Variants in CNTNAP2 observed in about 807,000 individuals in gnomAD.
CNTNAP2 encodes contactin associated protein 2, also known as contactin-associated protein-like 2.
In CNTNAP2, 98 loss-of-function variants were observed where a neutral mutation model predicts 155.2. The observed-to-expected ratio is 0.63, with a 90% confidence interval of 0.54 to 0.75. The LOEUF (loss-of-function observed/expected upper bound fraction) is 0.75. CNTNAP2 is among the 30% of genes least tolerant of loss of function. CNTNAP2 has a pLI of 0.00. For missense variants in CNTNAP2, 1,727 were observed against 1,688.1 expected (o/e 1.02, Z -0.40); for synonymous variants, 651 against 631.2 (o/e 1.03, Z -0.47).
chr7:148,144,570 C>T (rs1805140042), intron 16 of CNTNAP2, among the ~76,000 whole-genome samples: 1 of 152,202 alleles, frequency 6.6e-6, no homozygotes, highest in South Asian at 2.1e-4. Context: ...ATCATCAAAC[C>T]ATGGCTAACT....
At chr7:146,713,350 G>A (rs969876412) in intron 1 of CNTNAP2, among the ~76,000 whole-genome samples, 3 of 152,082 alleles carry the variant, frequency 2.0e-5, no homozygotes, top group African/African-American at 4.8e-5. Context: ...GCACTAAATG[G>A]TCAATCAATA....
rs551541052 is a variant in CNTNAP2, at chr7:146,245,242, T to C, written c.97+128269T>C. Among the ~76,000 whole-genome samples, 917 of 152,072 alleles carry C rather than the reference T, an allele frequency of 6.0e-3. 8 individuals carry two copies. The highest frequency in any genetic ancestry group is 0.021 in the African/African-American group (869 of 41,474). On this transcript the variant is annotated intron_variant, in intron 1 of 23. Coordinates refer to ENST00000361727, the MANE Select transcript of CNTNAP2 (RefSeq NM_014141.6). Reference sequence around the variant, plus strand: ...ATACAGTCATGGGGGTCAGGTGTGGTATCAGGAATAATGTGGGAGGCCAGA... The same window carrying C: ...ATACAGTCATGGGGGTCAGGTGTGGCATCAGGAATAATGTGGGAGGCCAGA...
At chr7:146,492,108 C>A (rs1211557356) in intron 1 of CNTNAP2, among the ~76,000 whole-genome samples, 1 of 152,016 alleles carries the variant, frequency 6.6e-6, no homozygotes, top group East Asian at 1.9e-4. Context: ...TAAAAACAAA[C>A]AAACAAACAA....
intron 9 of CNTNAP2, among the ~76,000 whole-genome samples, chr7:147,387,497 T>A (rs1419551921): frequency 6.6e-6 from 1 of 152,198 alleles, no homozygotes; most frequent in African/African-American, 2.4e-5. Flanking sequence ...CTCATGGTGA[T>A]AACATTGATC....
At chr7:146,675,172 A>G (rs961497670) in intron 1 of CNTNAP2, among the ~76,000 whole-genome samples, 1 of 29,150 alleles carries the variant, frequency 3.4e-5, no homozygotes, top group Non-Finnish European at 2.7e-4. Flanking sequence ...ATGTTTGAGA[A>G]AAAAAAAATA....
At chr7:147,703,017 G>A (rs183056038) in intron 13 of CNTNAP2, among the ~76,000 whole-genome samples, 17 of 151,374 alleles carry the variant, frequency 1.1e-4, no homozygotes, top group Admixed American at 4.1e-4. Context: ...CATTGTTCAA[G>A]CAATGGTAAG....
chr7:147,782,333 T>A (rs78368719), intron 13 of CNTNAP2, among the ~76,000 whole-genome samples: 2,029 of 152,356 alleles, frequency 0.013, 103 homozygotes, highest in Admixed American at 0.089. Context: ...AAAGTATGTC[T>A]TGCAGCCAAG....
chr7:146,869,276 T>G (rs763638120), intron 3 of CNTNAP2, among the ~76,000 whole-genome samples: 1 of 152,174 alleles, frequency 6.6e-6, no homozygotes, highest in Non-Finnish European at 1.5e-5. Flanking sequence ...TAGATAATCA[T>G]GTGTTTTGTT....
At chr7:147,028,050 A>C (rs1798957015) in intron 3 of CNTNAP2, among the ~76,000 whole-genome samples, 1 of 152,166 alleles carries the variant, frequency 6.6e-6, no homozygotes, top group African/African-American at 2.4e-5. Flanking sequence ...AGTCTCCAAT[A>C]TTTAGATGGG....
At chr7:146,847,901 A>G (rs1794789965) in intron 3 of CNTNAP2, among the ~76,000 whole-genome samples, 1 of 152,204 alleles carries the variant, frequency 6.6e-6, no homozygotes, top group Non-Finnish European at 1.5e-5. Flanking sequence ...TGTTTTCATT[A>G]GACTTAGTTT....
chr7:148,346,546 C>T (rs988805794), intron 21 of CNTNAP2, among the ~76,000 whole-genome samples: 1 of 151,166 alleles, frequency 6.6e-6, no homozygotes, highest in Non-Finnish European at 1.5e-5. Flanking sequence ...CCAAGGCAGG[C>T]GGATCACCTG....
chr7:147,840,514 C>A (rs77767353), intron 13 of CNTNAP2, among the ~76,000 whole-genome samples: 5,810 of 152,102 alleles, frequency 0.038, 171 homozygotes, highest in Middle Eastern at 0.061. Context: ...AGAGAAAGTA[C>A]AACACTGCTC....
At chr7:146,568,714 A>C (rs73468432) in intron 1 of CNTNAP2, among the ~76,000 whole-genome samples, 4,609 of 152,214 alleles carry the variant, frequency 0.03, 254 homozygotes, top group African/African-American at 0.11. Context: ...ACAGAAACCA[A>C]CTTTTAACCA....
At position 146,614,360 on chromosome 7, in the gene CNTNAP2, A is replaced by G. The variant is rs543318239; in HGVS notation, c.98-159911A>G. The stretch of plus-strand genomic sequence containing the variant: ...ACATATAAATGTTAGTAAACTATCA[A>G]TTATACTGATACTATACATGAATTA... On this transcript the variant is annotated intron_variant, in intron 1 of 23. Transcript: ENST00000361727. Among the ~76,000 whole-genome samples, 46 of 152,350 alleles carry G rather than the reference A, an allele frequency of 3.0e-4. No individual in the cohort carries two copies. The South Asian group carries it at 9.3e-3, about 31-fold the overall frequency.
intron 1 of CNTNAP2, among the ~76,000 whole-genome samples, chr7:146,202,272 T>A (rs1228072085): frequency 6.6e-6 from 1 of 152,166 alleles, no homozygotes; most frequent in Non-Finnish European, 1.5e-5. Context: ...TGGTCTCTAT[T>A]CATAACCTAC....
chr7:146,642,788 G>A (rs1026705030), intron 1 of CNTNAP2, among the ~76,000 whole-genome samples: 4 of 151,924 alleles, frequency 2.6e-5, no homozygotes, highest in Admixed American at 6.6e-5. Context: ...GTGTAAAAGT[G>A]TTCCTATTTC....
intron 21 of CNTNAP2, among the ~76,000 whole-genome samples, chr7:148,306,766 G>GGT (rs150027065): frequency 0.014 from 2,089 of 149,706 alleles, 38 homozygotes; most frequent in African/African-American, 0.042. Context: ...TTGGTTGGTT[G>GGT]GTGTGTGTGT....
At chr7:148,036,892 T>C (rs753568516) in intron 15 of CNTNAP2, among the ~76,000 whole-genome samples, 39 of 152,110 alleles carry the variant, frequency 2.6e-4, no homozygotes, top group Non-Finnish European at 4.7e-4. Context: ...ACTTTATGTG[T>C]TTTTTTAAAT....
At chr7:147,325,287 A>G (rs1395516865) in intron 9 of CNTNAP2, among the ~76,000 whole-genome samples, 2 of 152,206 alleles carry the variant, frequency 1.3e-5, no homozygotes, top group Admixed American at 6.5e-5. Flanking sequence ...GATGGGAGAC[A>G]GGGCAAGACT....
Sources: allele counts gnomAD v4.1 joint callset (sites outside exome capture counted in the v4.1 genomes callset), GRCh38; gene constraint gnomAD v4.1.1; transcripts MANE v1.5; gene names NCBI Gene and HGNC (gene_info 2026-07-23, HGNC 2026-07-21).